The following PBK variants were observed in gnomAD, a reference collection of about 807,000 sequenced individuals.
PBK encodes the protein PDZ binding kinase, also known as lymphokine-activated killer T-cell-originated protein kinase.
Under a neutral mutation model 33.5 loss-of-function variants are expected in PBK, and 22 were observed. The ratio of observed to expected loss-of-function variants is 0.66; its 90% CI spans 0.47 to 0.94. The LOEUF is 0.94. Among genes scored for constraint, PBK ranks in the 40% least tolerant of loss-of-function variants. The pLI, the probability that PBK is intolerant of heterozygous loss-of-function variation, is 0.00. For synonymous variants in PBK, 129 were observed against 123.8 expected (o/e 1.04, Z -0.28); for missense variants, 376 against 383.4 (o/e 0.98, Z 0.16).
At chr8:27,825,606 T>A (rs1806010504) in intron 3 of PBK, among the ~76,000 whole-genome samples, 1 of 151,960 alleles carries the variant, frequency 6.6e-6, no homozygotes, top group Non-Finnish European at 1.5e-5. Context: ...GAACCTGTAA[T>A]ACAGAAGCAG....
chr8:27,827,613 TTTC>T (rs1431907670), intron 3 of PBK, among the ~76,000 whole-genome samples: 1 of 152,264 alleles, frequency 6.6e-6, no homozygotes, highest in African/African-American at 2.4e-5. Context: ...TTATTTCATT[TTTC>T]TTAACACAAT....
intron 1 of PBK, among the ~76,000 whole-genome samples, chr8:27,837,343 C>T (rs1806245829): frequency 6.6e-6 from 1 of 151,770 alleles, no homozygotes; most frequent in African/African-American, 2.4e-5. Flanking sequence ...CAGCAGAAAA[C>T]GGAAAATTAA....
intron 1 of PBK, among the ~76,000 whole-genome samples, chr8:27,837,082 A>C (rs1806240794): frequency 6.6e-6 from 1 of 152,220 alleles, no homozygotes; most frequent in South Asian, 2.1e-4. Flanking sequence ...AAAACAGTGA[A>C]TATTTAGATG....
At chr8:27,825,827 C>A (rs1277202765) in intron 3 of PBK, among the ~76,000 whole-genome samples, 4 of 151,606 alleles carry the variant, frequency 2.6e-5, no homozygotes, top group African/African-American at 7.3e-5. Context: ...AAAAAGATAG[C>A]GAATAAGAAA....
At chr8:27,820,761 C>A in intron 5 of PBK, 67 bp from the exon 6 acceptor site, 1 of 817,620 alleles carries the variant, frequency 1.2e-6, no homozygotes, top group Non-Finnish European at 1.9e-6. Flanking sequence ...GTGATAACCT[C>A]CAAATATAAC....
At chr8:27,836,924 G>C (rs1806237328) in intron 1 of PBK, among the ~76,000 whole-genome samples, 1 of 152,184 alleles carries the variant, frequency 6.6e-6, no homozygotes, top group South Asian at 2.1e-4. Context: ...CTCAGGTTTA[G>C]GCATTAACTG....
At chr8:27,831,534 T>C (rs59619586) in intron 2 of PBK, among the ~76,000 whole-genome samples, 15 of 151,818 alleles carry the variant, frequency 9.9e-5, no homozygotes, top group African/African-American at 3.6e-4. Context: ...CAGAATATCA[T>C]TGACATTTGT....
At chr8:27,824,314 C>T (rs1805986522) in intron 3 of PBK, among the ~76,000 whole-genome samples, 1 of 152,004 alleles carries the variant, frequency 6.6e-6, no homozygotes, top group South Asian at 2.1e-4. Flanking sequence ...TTCACCTTTT[C>T]CATAACATAT....
chr8:27,814,032 AAT>A (rs1388344198), intron 6 of PBK, among the ~76,000 whole-genome samples: 5 of 152,160 alleles, frequency 3.3e-5, no homozygotes, highest in African/African-American at 1.2e-4. Context: ...GATGTCCTAC[AAT>A]GTGTCAGGTT....
At position 27,822,221 on chromosome 8, in the gene PBK, T is replaced by C. The variant is rs977297231; in HGVS notation, c.465+98A>G. ...CCTTTTTGGAACTGACAAGTAACAATATCCATCCACATTCAAAGATGTCCT... is the reference window on the plus strand; with the variant it reads ...CCTTTTTGGAACTGACAAGTAACAACATCCATCCACATTCAAAGATGTCCT... On this transcript the variant is annotated intron_variant, in intron 5 of 7. Transcript: ENST00000301905. The C allele has an allele frequency of 1.1e-5, 10 of 881,528 alleles. No homozygotes were observed. In the African/African-American group the frequency reaches 1.6e-4, roughly 14 times the overall value. The allele number at this position is 881,528 out of a possible 1,614,324, so 54.6% of individuals were successfully genotyped here.
Position 27,810,069 on chromosome 8 carries a change from T to C in PBK, c.*236A>G. 1 of 486,326 alleles carries C rather than the reference T, an allele frequency of 2.1e-6. No individual in the cohort carries two copies. Among genetic ancestry groups the C allele is most frequent in the Non-Finnish European group, 3.6e-6 (1 of 276,716 alleles). The allele number at this position is 486,326 out of a possible 1,614,324, so 30.1% of individuals were successfully genotyped here. A position where few individuals can be genotyped will look rare whatever the true frequency, so the allele number is the denominator to read the frequency against. ...TAGTGTTTTAAGTCAGCATGAGCAG[T>C]ATCAAAGTACTTATGTAGCTAGTTT... On this transcript the variant is annotated 3_prime_UTR_variant, in exon 8 of 8. Transcript: ENST00000301905.
intron 6 of PBK, among the ~76,000 whole-genome samples, chr8:27,819,085 C>T (rs1318521438): frequency 1.3e-5 from 2 of 152,158 alleles, no homozygotes; most frequent in Non-Finnish European, 2.9e-5. Context: ...TGAGTATCAT[C>T]GCTTTAATTA....
Position 27,810,329 on chromosome 8 carries a change from A to C in PBK, c.945T>G (p.Val315=), listed in dbSNP as rs112670476. The C allele has an allele frequency of 1.9e-6, 3 of 1,612,744 alleles. No homozygotes were observed. The South Asian group carries it at 3.3e-5, about 18-fold the overall frequency. The change falls in exon 8 of 8, where the codon GTT becomes GTG. Residue 315 remains valine, a synonymous_variant. Transcript: ENST00000301905. ...ACTAGACATCTGTTTCCAGAGCTTC[A>C]ACAATGTGTGCAGCAGAAGGACGAT... ...PKDRPSAAHI[V]EALETDV
At chr8:27,813,325 G>A (rs1805734872) in intron 6 of PBK, among the ~76,000 whole-genome samples, 1 of 152,094 alleles carries the variant, frequency 6.6e-6, no homozygotes, top group African/African-American at 2.4e-5. Flanking sequence ...TCATGGGGTA[G>A]GGGGGAGGGA....
intron 6 of PBK, among the ~76,000 whole-genome samples, chr8:27,813,164 T>G (rs1310622218): frequency 6.6e-6 from 1 of 152,206 alleles, no homozygotes; most frequent in Non-Finnish European, 1.5e-5. Context: ...TCATATCCTT[T>G]GCAGGGACAT....
chr8:27,827,269 T>C (rs1055314391), intron 3 of PBK, among the ~76,000 whole-genome samples: 1 of 152,196 alleles, frequency 6.6e-6, no homozygotes, highest in African/African-American at 2.4e-5. Flanking sequence ...AATTTTGGGC[T>C]GGGCATGGTG....
At chr8:27,829,742 C>T (rs190737776) in intron 2 of PBK, among the ~76,000 whole-genome samples, 185 of 152,020 alleles carry the variant, frequency 1.2e-3, no homozygotes, top group African/African-American at 4.3e-3. Flanking sequence ...TGGCACGTGC[C>T]TGTAATCCCA....
chr8:27,810,285 C>T lies in PBK; in HGVS notation c.*20G>A. ...AATAAACAGTTATTTACGCAAGCCACACTTCAGCTGAGATGATCACTAGAC... is the reference window on the plus strand; with the variant it reads ...AATAAACAGTTATTTACGCAAGCCATACTTCAGCTGAGATGATCACTAGAC... On this transcript the variant is annotated 3_prime_UTR_variant, in exon 8 of 8. Coordinates refer to ENST00000301905, the MANE Select transcript of PBK (RefSeq NM_018492.4). The T allele has an allele frequency of 6.5e-7, 1 of 1,546,406 alleles. No homozygotes were observed. Among genetic ancestry groups the T allele is most frequent in the Non-Finnish European group, 8.9e-7 (1 of 1,122,544 alleles).
chr8:27,820,794 T>A, intron 5 of PBK, 100 bp from the exon 6 acceptor site: 2 of 620,148 alleles, frequency 3.2e-6, no homozygotes, highest in Non-Finnish European at 2.7e-6. Context: ...CTTCCTAAAC[T>A]CTAGGTTTAC....
Sources: gnomAD v4.1 joint callset for allele counts (sites outside exome capture counted in the v4.1 genomes callset) on GRCh38, gnomAD v4.1.1 for gene constraint, MANE v1.5 for transcripts, NCBI Gene and HGNC (gene_info 2026-07-23, HGNC 2026-07-21) for gene names.